The following KIF26B variants were observed in gnomAD, a reference collection of about 807,000 sequenced individuals.
KIF26B encodes kinesin family member 26B.
Under a neutral mutation model 151.2 loss-of-function variants are expected in KIF26B, and 63 were observed. That is an observed-to-expected ratio of 0.42 (90% CI 0.34 to 0.51). The LOEUF (loss-of-function observed/expected upper bound fraction) is 0.51, where lower values mean the gene tolerates loss of function less well. Ranked by LOEUF, KIF26B falls within the 20% of genes least tolerant of loss-of-function variation. KIF26B has a pLI of 0.07. For missense variants in KIF26B, 2,813 were observed against 2,913.6 expected (o/e 0.97, Z 0.79); for synonymous variants, 1,357 against 1,262.1 (o/e 1.08, Z -1.59).
At chr1:245,280,425 G>A (rs1314412830) in intron 2 of KIF26B, among the ~76,000 whole-genome samples, 2 of 149,978 alleles carry the variant, frequency 1.3e-5, no homozygotes, top group African/African-American at 4.9e-5. Context: ...CAGTTGCTCG[G>A]GAGGCTGAGG....
rs200451023 is a variant in KIF26B at position 245,702,582 on chromosome 1, C to T, written c.6303C>T (p.Phe2101=). Residue 2101 remains phenylalanine, a synonymous_variant, in exon 15 of 15, where the codon TTC becomes TTT. Transcript: ENST00000407071. This position sits in a 1 kb window ranked among gnomAD's most constrained non-coding sequence, Gnocchi z 4.1. The part of the protein sequence containing the change: ...CKAHLMMITC[F]DITSRRR ...CCCATCTCATGATGATCACCTGCTTCGACATCACCTCCAGGCGCCGGTAGA... is the reference window on the plus strand; with the variant it reads ...CCCATCTCATGATGATCACCTGCTTTGACATCACCTCCAGGCGCCGGTAGA... 1.0e-4 allele frequency: 167 copies of T among 1,613,940 alleles called. No homozygotes were observed. In the African/African-American group the frequency reaches 1.9e-3, roughly 18 times the overall value.
At position 245,685,830 on chromosome 1, in the gene KIF26B, A is replaced by T. The variant is rs1305440473; in HGVS notation, c.2847A>T (p.Glu949Asp). The change falls in exon 12 of 15, where the codon GAA becomes GAT. Residue 949 changes from glutamate to aspartate, a missense_variant. Glu to Asp is a conservative substitution (Grantham distance 45). Around this residue, in one of 3 missense-constraint regions of KIF26B, gnomAD observed 2,060 missense variants for 2,088.6 expected, o/e 0.99. Transcript: ENST00000407071. ...SEEPSSFPFE[E>D]LPAQFGPEQA... The stretch of plus-strand genomic sequence containing the variant: ...AGCCCAGCAGCTTTCCTTTCGAAGA[A>T]CTGCCTGCTCAGTTTGGGCCAGAGC... The T allele has an allele frequency of 6.2e-7, 1 of 1,611,274 alleles. No individual in the cohort carries two copies. Among genetic ancestry groups the T allele is most frequent in the Non-Finnish European group, 8.5e-7 (1 of 1,178,852 alleles).
intron 9 of KIF26B, among the ~76,000 whole-genome samples, chr1:245,643,396 G>A (rs1200025869): frequency 6.6e-6 from 1 of 151,854 alleles, no homozygotes; most frequent in Non-Finnish European, 1.5e-5. Flanking sequence ...TATTGCTTTA[G>A]TGTTTGTAAT....
At chr1:245,186,610 C>T (rs1367876742) in intron 2 of KIF26B, among the ~76,000 whole-genome samples, 4 of 152,134 alleles carry the variant, frequency 2.6e-5, no homozygotes, top group African/African-American at 9.7e-5. Flanking sequence ...AGGTTTTAGT[C>T]TAACTTCCTT....
rs145830162 is a variant in KIF26B at position 245,302,540 on chromosome 1, A to G, written c.466-64294A>G. 2.5e-3 allele frequency among the ~76,000 whole-genome samples: 385 copies of G among 152,344 alleles called. 1 individual carries two copies. The highest frequency in any genetic ancestry group is 8.4e-3 in the African/African-American group (351 of 41,576). ...AGTGTTGAAGGCAGTGGTGCCATCA[A>G]TTCAGCAGCAAGGAACTTAATAGCT... On this transcript the variant is annotated intron_variant, in intron 2 of 14. Transcript: ENST00000407071.
intron 6 of KIF26B, among the ~76,000 whole-genome samples, chr1:245,607,055 A>T: frequency 7.2e-6 from 1 of 139,570 alleles, no homozygotes; most frequent in Non-Finnish European, 1.5e-5. Context: ...AACGAGACTG[A>T]AACTCCGTCT....
At chr1:245,247,287 C>T (rs1182513401) in intron 2 of KIF26B, among the ~76,000 whole-genome samples, 1 of 137,038 alleles carries the variant, frequency 7.3e-6, no homozygotes, top group Non-Finnish European at 1.5e-5. Flanking sequence ...CTCATCTCTA[C>T]TAAAAAAAAA....
At chr1:245,204,566 G>C (rs192804953) in intron 2 of KIF26B, among the ~76,000 whole-genome samples, 1,670 of 152,014 alleles carry the variant, frequency 0.011, 29 homozygotes, top group African/African-American at 0.037. Context: ...TAGAGGCGGG[G>C]TTTCGCCATG....
intron 10 of KIF26B, among the ~76,000 whole-genome samples, chr1:245,680,359 A>G (rs1218444091): frequency 6.6e-6 from 1 of 152,182 alleles, no homozygotes; most frequent in African/African-American, 2.4e-5. Context: ...GCTTTCCACA[A>G]GGAGAGCTAA....
chr1:245,587,236 A>G (rs1337990177), intron 5 of KIF26B, among the ~76,000 whole-genome samples: 1 of 152,116 alleles, frequency 6.6e-6, no homozygotes, highest in Non-Finnish European at 1.5e-5. Flanking sequence ...CCCAAGTGGA[A>G]ATGCCCCCTC....
chr1:245,443,268 A>G (rs1456015022), intron 4 of KIF26B, among the ~76,000 whole-genome samples: 1 of 131,092 alleles, frequency 7.6e-6, no homozygotes, highest in Non-Finnish European at 1.6e-5. Context: ...AGGAGAGGTC[A>G]TCTCCCTCAC....
intron 10 of KIF26B, among the ~76,000 whole-genome samples, chr1:245,679,769 T>A (rs1043952811): frequency 3.3e-5 from 5 of 152,002 alleles, no homozygotes; most frequent in African/African-American, 7.3e-5. Context: ...GTGCCCAGCA[T>A]AAATTTATTT....
At chr1:245,568,246 T>G (rs1435895679) in intron 5 of KIF26B, among the ~76,000 whole-genome samples, 3 of 138,056 alleles carry the variant, frequency 2.2e-5, no homozygotes, top group African/African-American at 8.0e-5. Context: ...CCAGGCACCG[T>G]GGCTCATACA....
In KIF26B at chr1:245,708,554, C is replaced by A. The variant is rs960384154; in HGVS notation, c.*5948C>A. 6.6e-6 allele frequency: 1 copy of A among 152,090 alleles called. No homozygotes were observed. The highest frequency in any genetic ancestry group is 1.9e-4 in the East Asian group (1 of 5,184). 9.4% of individuals were successfully genotyped at this position (152,090 alleles called of 1,614,324 possible). A position where few individuals can be genotyped will look rare whatever the true frequency, so the allele number is the denominator to read the frequency against. ...CAGAAAACCTGAGTTCTAATTCCAG[C>A]TTTGCCAGTCGTCCCGTCCGTGATA... On this transcript the variant is annotated 3_prime_UTR_variant, in exon 15 of 15. Transcript: ENST00000407071.
chr1:245,599,212 G>C (rs539817045), intron 5 of KIF26B, among the ~76,000 whole-genome samples: 3 of 152,144 alleles, frequency 2.0e-5, no homozygotes, highest in African/African-American at 2.4e-5. Context: ...GTGGAGTGCC[G>C]GACTAAAGGA....
Position 245,702,472 on chromosome 1 carries a change from G to A in KIF26B, c.6193G>A (p.Val2065Ile), listed in dbSNP as rs748138350. The A allele has an allele frequency of 1.9e-6, 3 of 1,613,966 alleles. No individual in the cohort carries two copies. The South Asian group carries it at 3.3e-5, about 18-fold the overall frequency. Reference protein sequence around the residue: ...KWLSEFDLEQVWELDSLEYLE... With the variant: ...KWLSEFDLEQIWELDSLEYLE... ...CTCTCTTGCAGTTGACTTGGAGCAGGTTTGGGAGCTGGATTCCCTGGAGTA... is the reference window on the plus strand; with the variant it reads ...CTCTCTTGCAGTTGACTTGGAGCAGATTTGGGAGCTGGATTCCCTGGAGTA... The change falls in exon 15 of 15, where the codon GTT (valine) becomes ATT (isoleucine). Residue 2065 changes from valine (V) to isoleucine (I), a missense_variant. Physicochemically the swap from Val to Ile is conservative, Grantham distance 29. Around this residue, in one of 3 missense-constraint regions of KIF26B, gnomAD observed 2,060 missense variants for 2,088.6 expected, o/e 0.99. Transcript: ENST00000407071. The surrounding 1 kb of genome is among the most constrained non-coding windows in gnomAD (Gnocchi z 4.1).
At position 245,602,533 on chromosome 1, in the gene KIF26B, C is replaced by A; in HGVS notation, c.1351-44C>A. ...TACAAGGGTGCTCCATCGTAAAACA[C>A]CCAGCTGTCTTCATCCATGCTGTCG... is the stretch of plus-strand genomic sequence containing the variant. On this transcript the variant is annotated intron_variant, in intron 5 of 14. Coordinates refer to ENST00000407071, the MANE Select transcript of KIF26B (RefSeq NM_018012.4). This position sits in a 1 kb window ranked among gnomAD's most constrained non-coding sequence, Gnocchi z 4.5. The A allele has an allele frequency of 6.6e-7, 1 of 1,519,184 alleles. No individual in the cohort carries two copies. The highest frequency in any genetic ancestry group is 9.0e-7 in the Non-Finnish European group (1 of 1,111,782). The allele number at this position is 1,519,184 out of a possible 1,614,324, so 94.1% of individuals were successfully genotyped here.
At chr1:245,207,214 A>C (rs1558345102) in intron 2 of KIF26B, among the ~76,000 whole-genome samples, 1 of 152,214 alleles carries the variant, frequency 6.6e-6, no homozygotes, top group Non-Finnish European at 1.5e-5. Flanking sequence ...CGAGCACTCA[A>C]AAAAGAGATT....
intron 5 of KIF26B, among the ~76,000 whole-genome samples, chr1:245,591,840 C>A (rs960107563): frequency 6.6e-6 from 1 of 152,230 alleles, no homozygotes; most frequent in African/African-American, 2.4e-5. Context: ...TCCATCCTTG[C>A]AGCCTGGCCA....
Sources: allele counts gnomAD v4.1 joint callset (sites outside exome capture counted in the v4.1 genomes callset), GRCh38; gene constraint gnomAD v4.1.1; regional missense constraint gnomAD v4.1.1; non-coding constraint Gnocchi (gnomAD v3.1); transcripts MANE v1.5; gene names NCBI Gene and HGNC (gene_info 2026-07-23, HGNC 2026-07-21).